IGBP1C: variants seen among roughly 807,000 people sequenced by gnomAD.
IGBP1C encodes IGBP1 family member C.
chr17:58,670,771 T>TCAAAAAA, the IGBP1C span, among the ~76,000 whole-genome samples: 14 of 7,956 alleles, frequency 1.8e-3, 6 homozygotes, highest in African/African-American at 1.4e-3. Context: ...AGACTCCCTC[T>TCAAAAAA]TAAAAAAAAA....
chr17:58,688,154 CTT>C, the IGBP1C span, among the ~76,000 whole-genome samples: 1 of 152,110 alleles, frequency 6.6e-6, no homozygotes, highest in South Asian at 2.1e-4. Context: ...GAGTTTTCCT[CTT>C]GTCGCCCAGG....
the IGBP1C span, among the ~76,000 whole-genome samples, chr17:58,683,688 G>GA: frequency 1.3e-5 from 2 of 151,572 alleles, no homozygotes. Context: ...GCTTGAACCC[G>GA]GAAGGCGGGG....
At chr17:58,662,386 T>C in the IGBP1C span, among the ~76,000 whole-genome samples, 1 of 150,180 alleles carries the variant, frequency 6.7e-6, no homozygotes, top group Non-Finnish European at 1.5e-5. Context: ...ATACATATTA[T>C]GTGTGTACAG....
chr17:58,668,308 A>C, the IGBP1C span, among the ~76,000 whole-genome samples: 1 of 152,166 alleles, frequency 6.6e-6, no homozygotes, highest in Non-Finnish European at 1.5e-5. Flanking sequence ...CTCTATACCT[A>C]TCCTGATGGT....
At chr17:58,691,510 T>A in the IGBP1C span, among the ~76,000 whole-genome samples, 1 of 151,618 alleles carries the variant, frequency 6.6e-6, no homozygotes, top group South Asian at 2.1e-4. Context: ...CTAATAATAA[T>A]ACAAAAATTA....
the IGBP1C span, among the ~76,000 whole-genome samples, chr17:58,666,306 C>T: frequency 6.6e-6 from 1 of 151,872 alleles, no homozygotes; most frequent in Admixed American, 6.6e-5. Flanking sequence ...CGAGATTGCT[C>T]CACTGCACTC....
chr17:58,672,266 CA>C, the IGBP1C span, among the ~76,000 whole-genome samples: 1 of 152,138 alleles, frequency 6.6e-6, no homozygotes, highest in South Asian at 2.1e-4. Flanking sequence ...ATGCTCCTTC[CA>C]GGGGGTTGGA....
At chr17:58,690,927 C>G in the IGBP1C span, among the ~76,000 whole-genome samples, 1 of 152,120 alleles carries the variant, frequency 6.6e-6, no homozygotes, top group South Asian at 2.1e-4. Context: ...AGTGCAGTGG[C>G]GTGATCATAG....
chr17:58,680,558 A>G, the IGBP1C span, among the ~76,000 whole-genome samples: 4 of 152,138 alleles, frequency 2.6e-5, no homozygotes, highest in South Asian at 2.1e-4. Context: ...CCTGGCCAAC[A>G]TGGTAAAACC....
At chr17:58,668,689 CT>C in the IGBP1C span, among the ~76,000 whole-genome samples, 1 of 152,048 alleles carries the variant, frequency 6.6e-6, no homozygotes, top group Non-Finnish European at 1.5e-5. Flanking sequence ...GAGAGGACTT[CT>C]TTTTTTTATT....
the IGBP1C span, among the ~76,000 whole-genome samples, chr17:58,671,757 T>G: frequency 6.6e-6 from 1 of 152,178 alleles, no homozygotes; most frequent in Non-Finnish European, 1.5e-5. Context: ...TCTTGTTCTA[T>G]TTTCTCACCA....
At chr17:58,660,594 G>A in the IGBP1C span, 22 of 796,376 alleles carry the variant, frequency 2.8e-5, no homozygotes, top group Admixed American at 2.6e-4. Context: ...ATGTTCTGTC[G>A]GTTGCCGTAG....
chr17:58,671,500 T>C, the IGBP1C span, among the ~76,000 whole-genome samples: 9 of 152,120 alleles, frequency 5.9e-5, no homozygotes, highest in East Asian at 1.7e-3. Context: ...GTTCTTCTCC[T>C]GGGGTCGCAG....
the IGBP1C span, among the ~76,000 whole-genome samples, chr17:58,666,332 A>G: frequency 6.6e-6 from 1 of 152,046 alleles, no homozygotes; most frequent in Non-Finnish European, 1.5e-5. Flanking sequence ...TGGAAAATAG[A>G]GCAAGACTGT....
At chr17:58,668,440 C>T in the IGBP1C span, among the ~76,000 whole-genome samples, 1 of 152,224 alleles carries the variant, frequency 6.6e-6, no homozygotes, top group Non-Finnish European at 1.5e-5. Context: ...GAGGAAGTAA[C>T]TGGAGCCTGG....
the IGBP1C span, among the ~76,000 whole-genome samples, chr17:58,682,236 C>G: frequency 6.6e-6 from 1 of 151,668 alleles, no homozygotes; most frequent in African/African-American, 2.4e-5. Flanking sequence ...GGCATGGAAC[C>G]ACCATGCCCA....
the IGBP1C span, among the ~76,000 whole-genome samples, chr17:58,675,768 C>T: frequency 6.6e-6 from 1 of 152,180 alleles, no homozygotes; most frequent in Non-Finnish European, 1.5e-5. Context: ...AAATCAAACT[C>T]AGGAAGCATT....
the IGBP1C span, among the ~76,000 whole-genome samples, chr17:58,672,266 C>CG: frequency 4.6e-5 from 7 of 152,138 alleles, no homozygotes; most frequent in East Asian, 9.6e-4. Context: ...ATGCTCCTTC[C>CG]AGGGGGTTGG....
chr17:58,688,783 G>A, the IGBP1C span, among the ~76,000 whole-genome samples: 697 of 152,206 alleles, frequency 4.6e-3, 13 homozygotes, highest in African/African-American at 0.016. Flanking sequence ...ACCTCAAGTT[G>A]CAAGAAAAAC....
Sources: allele counts gnomAD v4.1 joint callset (sites outside exome capture counted in the v4.1 genomes callset), GRCh38; gene constraint gnomAD v4.1.1; transcripts MANE v1.5; gene names NCBI Gene and HGNC (gene_info 2026-07-23, HGNC 2026-07-21).